The following ENTPD1 variants were observed in gnomAD, a reference collection of about 807,000 sequenced individuals.
ENTPD1 encodes ATP diphosphohydrolase.
Under a neutral mutation model 57.0 loss-of-function variants are expected in ENTPD1, and 33 were observed. The observed-to-expected ratio is 0.58, with a 90% confidence interval of 0.44 to 0.77. ENTPD1 has a LOEUF of 0.77. ENTPD1 is among the 30% of genes least tolerant of loss of function. The pLI is 0.00. For missense variants in ENTPD1, 501 were observed against 603.4 expected (o/e 0.83, Z 1.78); for synonymous variants, 202 against 218.8 (o/e 0.92, Z 0.68).
chr10:95,835,983 C>T (rs1307748048), intron 2 of ENTPD1, among the ~76,000 whole-genome samples: 2 of 152,014 alleles, frequency 1.3e-5, no homozygotes, highest in African/African-American at 4.8e-5. Context: ...GTTTATTCTA[C>T]CTTGAGTTAA....
At chr10:95,861,202 CAG>C (rs1332634538) in intron 8 of ENTPD1, 4 of 155,422 alleles carry the variant, frequency 2.6e-5, no homozygotes, top group African/African-American at 9.6e-5. Flanking sequence ...AGGCAATTTG[CAG>C]AGTCTGACAC....
chr10:95,745,237 G>A (rs1003149773), intron 1 of ENTPD1, among the ~76,000 whole-genome samples: 2 of 152,150 alleles, frequency 1.3e-5, no homozygotes, highest in South Asian at 2.1e-4. Flanking sequence ...AGGTTGGAGT[G>A]CAGTGGCACA....
At chr10:95,702,866 T>A in the ENTPD1 span, among the ~76,000 whole-genome samples, 1 of 152,094 alleles carries the variant, frequency 6.6e-6, no homozygotes, top group Non-Finnish European at 1.5e-5. Flanking sequence ...CACTGCAAAC[T>A]CCGCCTCTGG....
intron 1 of ENTPD1, among the ~76,000 whole-genome samples, chr10:95,800,921 C>A (rs765789928): frequency 6.6e-6 from 1 of 152,102 alleles, no homozygotes; most frequent in African/African-American, 2.4e-5. Flanking sequence ...GACATACATC[C>A]TCAGCTTAAG....
Position 95,871,654 on chromosome 10 carries a change from A to G in ENTPD1, c.*5271A>G, listed in dbSNP as rs1384201892. 2.0e-6 allele frequency: 2 copies of G among 984,858 alleles called. No individual in the cohort carries two copies. Among genetic ancestry groups the G allele is most frequent in the East Asian group, 1.1e-4 (1 of 8,826 alleles). 61.0% of individuals were successfully genotyped at this position (984,858 alleles called of 1,614,324 possible). A position where few individuals can be genotyped will look rare whatever the true frequency, so the allele number is the denominator to read the frequency against. ...CTCTTCATTTGAAGTGAAGATTGCT[A>G]TGTCTTTTGCATTGCTCTATTTTAC... is the stretch of plus-strand genomic sequence containing the variant. On this transcript the variant is annotated 3_prime_UTR_variant, in exon 10 of 10. Coordinates refer to ENST00000371205, the MANE Select transcript of ENTPD1 (RefSeq NM_001776.6).
intron 3 of ENTPD1, 86 bp from the exon 4 acceptor site, chr10:95,842,258 A>G (rs2098424132): frequency 1.6e-6 from 2 of 1,282,386 alleles, no homozygotes; most frequent in Non-Finnish European, 2.2e-6. Context: ...TATTTTTTTC[A>G]AAACACCATA....
chr10:95,797,816 T>C (rs936027688), intron 1 of ENTPD1, among the ~76,000 whole-genome samples: 18 of 152,116 alleles, frequency 1.2e-4, no homozygotes, highest in African/African-American at 4.1e-4. Context: ...ACCTTCAACA[T>C]TGAAGGTCAC....
chr10:95,716,053 C>T (rs1002299505), intron 1 of ENTPD1, among the ~76,000 whole-genome samples: 7 of 152,118 alleles, frequency 4.6e-5, no homozygotes, highest in African/African-American at 1.4e-4. Context: ...TTTGTGCAGT[C>T]AGGGGTCCCA....
At chr10:95,760,801 CAT>C (rs1452843335) in intron 1 of ENTPD1, among the ~76,000 whole-genome samples, 1 of 113,456 alleles carries the variant, frequency 8.8e-6, no homozygotes, top group African/African-American at 3.5e-5. Context: ...GAGTAAATTA[CAT>C]AGAGTTTATT....
upstream of ENTPD1, among the ~76,000 whole-genome samples, chr10:95,711,588 A>T (rs1443110539): frequency 6.6e-6 from 1 of 151,880 alleles, no homozygotes; most frequent in East Asian, 1.9e-4. Context: ...GCAGCCTCAA[A>T]CTCCTGGGCC....
chr10:95,777,000 T>C (rs2098136606), intron 1 of ENTPD1, among the ~76,000 whole-genome samples: 1 of 152,236 alleles, frequency 6.6e-6, no homozygotes, highest in Non-Finnish European at 1.5e-5. Flanking sequence ...AGGTGTTCTC[T>C]ACACTGTTTA....
At position 95,871,786 on chromosome 10, in the gene ENTPD1, T is replaced by C. The variant is rs1000299410; in HGVS notation, c.*5403T>C. ...GACTTGTTTTTATAACCCCTTTGCA[T>C]GTATGTTGAATAGCAAAGTTCATCA... On this transcript the variant is annotated 3_prime_UTR_variant, in exon 10 of 10. Transcript: ENST00000371205. 2 of 985,340 alleles carry C rather than the reference T, an allele frequency of 2.0e-6. No homozygotes were observed. Among genetic ancestry groups the C allele is most frequent in the Admixed American group, 6.1e-5 (1 of 16,262 alleles). 61.0% of individuals were successfully genotyped at this position (985,340 alleles called of 1,614,324 possible). A position where few individuals can be genotyped will look rare whatever the true frequency, so the allele number is the denominator to read the frequency against.
chr10:95,694,230 G>C, the ENTPD1 span: 1 of 353,882 alleles, frequency 2.8e-6, no homozygotes, highest in Non-Finnish European at 5.2e-6. Flanking sequence ...CCCACTTCGC[G>C]GCCCAGAGGA....
rs114390002 is a variant in ENTPD1 at position 95,782,625 on chromosome 10, C to T, written c.16+26370C>T. ...TTAGGGCAATTTGAGGAAGTCCTGGCGCCTAGGCTAGGTGGTGATGAACAG... is the reference window on the plus strand; with the variant it reads ...TTAGGGCAATTTGAGGAAGTCCTGGTGCCTAGGCTAGGTGGTGATGAACAG... On this transcript the variant is annotated intron_variant, in intron 1 of 9. Coordinates refer to ENST00000371205, the MANE Select transcript of ENTPD1 (RefSeq NM_001776.6). Among the ~76,000 whole-genome samples the T allele has an allele frequency of 4.7e-3, 712 of 152,170 alleles. 4 individuals are homozygous for T. Among genetic ancestry groups the T allele is most frequent in the African/African-American group, 0.016 (676 of 41,482 alleles).
chr10:95,787,202 A>G (rs1294319260), intron 1 of ENTPD1, among the ~76,000 whole-genome samples: 1 of 152,194 alleles, frequency 6.6e-6, no homozygotes, highest in Non-Finnish European at 1.5e-5. Flanking sequence ...GGGAGAAAAA[A>G]GGGGGAATAT....
chr10:95,851,308 A>AT (rs980524203), intron 7 of ENTPD1, among the ~76,000 whole-genome samples: 1 of 151,878 alleles, frequency 6.6e-6, no homozygotes, highest in Non-Finnish European at 1.5e-5. Flanking sequence ...CATGAATTTT[A>AT]TTTTTTTAAT....
intron 1 of ENTPD1, among the ~76,000 whole-genome samples, chr10:95,712,322 C>T (rs2097966502): frequency 6.6e-6 from 1 of 152,164 alleles, no homozygotes; most frequent in South Asian, 2.1e-4. Context: ...ATCAGTTTTG[C>T]GGTTCTGACT....
chr10:95,707,159 T>C (rs2097962895), upstream of ENTPD1, among the ~76,000 whole-genome samples: 1 of 152,186 alleles, frequency 6.6e-6, no homozygotes. Flanking sequence ...GGACCTGGTC[T>C]GCAGCTGTTG....
intron 1 of ENTPD1, among the ~76,000 whole-genome samples, chr10:95,779,322 T>C (rs1318921776): frequency 6.6e-6 from 1 of 152,194 alleles, no homozygotes; most frequent in African/African-American, 2.4e-5. Context: ...TGAAGAGGCC[T>C]GGTTCTGCCT....
Sources: gnomAD v4.1 joint callset for allele counts (sites outside exome capture counted in the v4.1 genomes callset) on GRCh38, gnomAD v4.1.1 for gene constraint, MANE v1.5 for transcripts, NCBI Gene and HGNC (gene_info 2026-07-23, HGNC 2026-07-21) for gene names.